CASP2: variants seen among roughly 807,000 people sequenced by gnomAD.
CASP2 encodes the protein caspase-2.
Under a neutral mutation model 54.4 loss-of-function variants are expected in CASP2, and 38 were observed. The observed-to-expected ratio is 0.70, with a 90% confidence interval of 0.54 to 0.92. CASP2 has a LOEUF of 0.92. CASP2 is among the 40% of genes least tolerant of loss of function. The pLI, the probability that CASP2 is intolerant of heterozygous loss-of-function variation, is 0.00. For synonymous variants in CASP2, 215 were observed against 216.3 expected (o/e 0.99, Z 0.05); for missense variants, 512 against 579.6 (o/e 0.88, Z 1.20).
intron 6 of CASP2, among the ~76,000 whole-genome samples, chr7:143,296,777 TCTTA>T (rs143722415): frequency 0.013 from 2,044 of 152,252 alleles, 58 homozygotes; most frequent in African/African-American, 0.044. Context: ...ATCAAATCTT[TCTTA>T]CTTAAGAGAG....
intron 8 of CASP2, chr7:143,301,699 A>G (rs1055284068): frequency 1.3e-4 from 20 of 152,202 alleles, no homozygotes; most frequent in African/African-American, 4.6e-4. Context: ...CAATATGATA[A>G]GTACACTGAG....
At chr7:143,304,890 C>T (rs1357581910) in intron 10 of CASP2, 50 bp from the exon 11 acceptor site, 2 of 1,614,038 alleles carry the variant, frequency 1.2e-6, no homozygotes, top group South Asian at 2.2e-5. Flanking sequence ...TTGCTGCTCT[C>T]CTGAAGCCCG....
Position 143,288,485 on chromosome 7 carries a change from C to T in CASP2, c.30C>T (p.Ser10=), listed in dbSNP as rs556888347. 3.7e-6 allele frequency: 6 copies of T among 1,613,344 alleles called. No individual in the cohort carries two copies. Among genetic ancestry groups the T allele is most frequent in the Non-Finnish European group, 5.1e-6 (6 of 1,179,666 alleles). ...CGGCGCCGAGCGCGGGGTCTTGGTC[C>T]ACCTTCCAGCACAAGGAGCTGATGG... is the stretch of plus-strand genomic sequence containing the variant. MAAPSAGSW[S]TFQHKELMAA... The change falls in exon 1 of 11, where the codon TCC becomes TCT. Residue 10 remains serine (S), a synonymous_variant. Transcript: ENST00000310447.
At position 143,291,537 on chromosome 7, in the gene CASP2, T is replaced by C; in HGVS notation, c.75-3T>C. 6.2e-7 allele frequency: 1 copy of C among 1,614,020 alleles called. No homozygotes were observed. Among genetic ancestry groups the C allele is most frequent in the Non-Finnish European group, 8.5e-7 (1 of 1,179,918 alleles). On this transcript the variant is annotated splice_region_variant and splice_polypyrimidine_tract_variant and intron_variant, in intron 1 of 10. Coordinates refer to ENST00000310447, the MANE Select transcript of CASP2 (RefSeq NM_032982.4). Reference sequence around the variant, plus strand: ...AGCCTTTCCTTCTACCGTTTATCTGTAGGATATTGGGAGTGTGTGGCATGC... The same window carrying C: ...AGCCTTTCCTTCTACCGTTTATCTGCAGGATATTGGGAGTGTGTGGCATGC...
In CASP2 at chr7:143,303,802, T is replaced by C. The variant is rs747308251; in HGVS notation, c.986T>C (p.Val329Ala). The C allele has an allele frequency of 6.2e-7, 1 of 1,613,768 alleles. No homozygotes were observed. The highest frequency in any genetic ancestry group is 8.5e-7 in the Non-Finnish European group (1 of 1,179,930). The change falls in exon 9 of 11, where the codon GTT becomes GCT. Residue 329 changes from valine to alanine, a missense_variant. Transcript: ENST00000310447. ...ACRGDETDRG[V>A]DQQDGKNHAG... ...GTTACAGATGAGACTGATCGTGGGGTTGACCAACAAGATGGAAAGAACCAC... is the reference window on the plus strand; with the variant it reads ...GTTACAGATGAGACTGATCGTGGGGCTGACCAACAAGATGGAAAGAACCAC...
rs370387103 is a variant in CASP2 at position 143,300,056 on chromosome 7, G to A, written c.876+5G>A. On this transcript the variant is annotated splice_donor_5th_base_variant and intron_variant, in intron 7 of 10. Transcript: ENST00000310447. ...GTGGATGGGAAACTGCTCCAGGTGC[G>A]GATACCCTGGTGGAAGCCAACTGTT... is the stretch of plus-strand genomic sequence containing the variant. The A allele has an allele frequency of 1.1e-4, 172 of 1,613,948 alleles. No individual in the cohort carries two copies. The highest frequency in any genetic ancestry group is 1.4e-4 in the Non-Finnish European group (161 of 1,180,014).
At position 143,300,864 on chromosome 7, in the gene CASP2, C is replaced by T. The variant is rs1801896985; in HGVS notation, c.967+570C>T. 3 of 1,127,950 alleles carry T rather than the reference C, an allele frequency of 2.7e-6. No homozygotes were observed. The South Asian group carries it at 6.2e-5, about 23-fold the overall frequency. 69.9% of individuals were successfully genotyped at this position (1,127,950 alleles called of 1,614,324 possible). A position where few individuals can be genotyped will look rare whatever the true frequency, so the allele number is the denominator to read the frequency against. On this transcript the variant is annotated intron_variant, in intron 8 of 10. Transcript: ENST00000310447. Reference sequence around the variant, plus strand: ...GAGCTGCTGCTGCCCCTCTTTCTCTCATGCAGTCTGTTTTACTCCTTTAAG... The same window carrying T: ...GAGCTGCTGCTGCCCCTCTTTCTCTTATGCAGTCTGTTTTACTCCTTTAAG...
chr7:143,304,631 T>C, intron 9 of CASP2, 43 bp from the exon 10 acceptor site: 1 of 1,401,536 alleles, frequency 7.1e-7, no homozygotes, highest in Non-Finnish European at 1.0e-6. Context: ...AGTGCAGCTG[T>C]GTGATGGCAT....
intron 4 of CASP2, among the ~76,000 whole-genome samples, 193 bp from the exon 5 acceptor site, chr7:143,294,037 G>C (rs1563061654): frequency 6.6e-6 from 1 of 152,216 alleles, no homozygotes; most frequent in Non-Finnish European, 1.5e-5. Flanking sequence ...GCTTCATGCA[G>C]GCTATGTGCA....
chr7:143,302,286 A>T (rs900554744), intron 8 of CASP2: 3 of 152,228 alleles, frequency 2.0e-5, no homozygotes, highest in African/African-American at 7.2e-5. Flanking sequence ...CCAGGGATTT[A>T]ATACACTATT....
intron 8 of CASP2, chr7:143,300,603 T>C (rs1240210653): frequency 3.6e-6 from 5 of 1,394,198 alleles, no homozygotes; most frequent in Non-Finnish European, 4.7e-6. Flanking sequence ...CTTCATTAAC[T>C]CTGGTGCCCT....
At chr7:143,288,607 A>G in intron 1 of CASP2, 78 bp downstream of exon 1, 1 of 1,300,634 alleles carries the variant, frequency 7.7e-7, no homozygotes, top group East Asian at 2.5e-5. Context: ...GCGGCCCTGC[A>G]GCCCCCTCCC....
chr7:143,304,711 G>C lies in CASP2; in HGVS notation c.1155G>C (p.Trp385Cys), dbSNP rs776605326. The part of the protein sequence containing the change: ...AAMRNTKRGS[W>C]YIEALAQVFS... ...TGCGGAACACCAAACGAGGTTCCTGGTACATCGAGGCTCTTGCTCAAGTGT... is the reference window on the plus strand; with the variant it reads ...TGCGGAACACCAAACGAGGTTCCTGCTACATCGAGGCTCTTGCTCAAGTGT... Residue 385 changes from tryptophan to cysteine, a missense_variant, in exon 10 of 11, where the codon TGG becomes TGC. Transcript: ENST00000310447. 3 of 1,614,076 alleles carry C rather than the reference G, an allele frequency of 1.9e-6. No individual in the cohort carries two copies. In the African/African-American group the frequency reaches 4.0e-5, roughly 22 times the overall value.
rs1802037531 is a variant in CASP2 at position 143,305,457 on chromosome 7, A to G, written c.*386A>G. On this transcript the variant is annotated 3_prime_UTR_variant, in exon 11 of 11. Transcript: ENST00000310447. ...GATTGCTTTTATTACATTAGTTAAG[A>G]TGTCTGAGAGACCATCTCCTATCTT... 9.0e-6 allele frequency: 3 copies of G among 333,280 alleles called. No homozygotes were observed. The highest frequency in any genetic ancestry group is 8.1e-5 in the South Asian group (3 of 36,904). The allele number at this position is 333,280 out of a possible 1,614,324, so 20.6% of individuals were successfully genotyped here.
At chr7:143,291,468 A>G (rs1586452871) in intron 1 of CASP2, 72 bp from the exon 2 acceptor site, 3 of 1,425,870 alleles carry the variant, frequency 2.1e-6, no homozygotes, top group East Asian at 2.3e-5. Flanking sequence ...CTTCCTATTC[A>G]TGCCTCTTCC....
chr7:143,296,358 T>C (rs1801750583), intron 6 of CASP2, among the ~76,000 whole-genome samples: 1 of 152,214 alleles, frequency 6.6e-6, no homozygotes, highest in Non-Finnish European at 1.5e-5. Context: ...TGAGGGAGTT[T>C]TGACATCAGC....
Position 143,306,666 on chromosome 7 carries a change from G to A in CASP2, c.*1595G>A, listed in dbSNP as rs1802074575. 6.7e-6 allele frequency: 1 copy of A among 150,096 alleles called. No individual in the cohort carries two copies. The highest frequency in any genetic ancestry group is 2.4e-5 in the African/African-American group (1 of 40,824). 9.3% of individuals were successfully genotyped at this position (150,096 alleles called of 1,614,324 possible). A position where few individuals can be genotyped will look rare whatever the true frequency, so the allele number is the denominator to read the frequency against. Reference sequence around the variant, plus strand: ...TTTTAATTTTTTTTGGTTGTTTGCTGTTTTTTGTTTTTTAAGGTGAGTTCT... The same window carrying A: ...TTTTAATTTTTTTTGGTTGTTTGCTATTTTTTGTTTTTTAAGGTGAGTTCT... On this transcript the variant is annotated 3_prime_UTR_variant, in exon 11 of 11. Transcript: ENST00000310447.
At position 143,300,302 on chromosome 7, in the gene CASP2, C is replaced by T; in HGVS notation, c.967+8C>T. On this transcript the variant is annotated splice_region_variant and intron_variant, in intron 8 of 10. Transcript: ENST00000310447. ...TCCAGGCCTGCCGTGGAGGTGAGTG[C>T]CCTAGCAGACCAGCACCTGGGTGGT... 1 of 1,613,192 alleles carries T rather than the reference C, an allele frequency of 6.2e-7. No individual in the cohort carries two copies. Among genetic ancestry groups the T allele is most frequent in the Admixed American group, 1.7e-5 (1 of 60,030 alleles).
Position 143,293,195 on chromosome 7 carries a change from A to G in CASP2, c.475+497A>G, listed in dbSNP as rs768853851. ...CAGGCTGGAATGCAGTGACACCACC[A>G]TAGCTCACTGCAGCGTTGAACTCCT... On this transcript the variant is annotated intron_variant, in intron 4 of 10. Transcript: ENST00000310447. The G allele has an allele frequency of 6.2e-6, 4 of 648,024 alleles. No homozygotes were observed. In the East Asian group the frequency reaches 8.3e-5, roughly 14 times the overall value. 40.1% of individuals were successfully genotyped at this position (648,024 alleles called of 1,614,324 possible).
Sources: gnomAD v4.1 joint callset for allele counts (sites outside exome capture counted in the v4.1 genomes callset) on GRCh38, gnomAD v4.1.1 for gene constraint, MANE v1.5 for transcripts, NCBI Gene and HGNC (gene_info 2026-07-23, HGNC 2026-07-21) for gene names.